GNAQ: variants seen among roughly 807,000 people sequenced by gnomAD.
The protein encoded by GNAQ is guanine nucleotide-binding protein G(q) subunit alpha.
GNAQ carries 8 observed loss-of-function variants against 43.9 expected under a neutral mutation model. The ratio of observed to expected loss-of-function variants is 0.18; its 90% confidence interval spans 0.11 to 0.33. The LOEUF is 0.33. GNAQ is among the 10% of genes least tolerant of loss of function. The pLI is 1.00. For missense variants in GNAQ, 158 were observed against 450.8 expected (o/e 0.35, Z 5.88); for synonymous variants, 155 against 170.7 (o/e 0.91, Z 0.71).
chr9:77,914,544 C>T (rs1457799534), intron 2 of GNAQ, among the ~76,000 whole-genome samples: 4 of 152,098 alleles, frequency 2.6e-5, no homozygotes, highest in Non-Finnish European at 5.9e-5. Flanking sequence ...TGCCTGTAAT[C>T]CCAGCTACTT....
At chr9:77,930,163 CTG>C (rs1162186551) in intron 1 of GNAQ, among the ~76,000 whole-genome samples, 1 of 152,172 alleles carries the variant, frequency 6.6e-6, no homozygotes, top group Non-Finnish European at 1.5e-5. Flanking sequence ...AGTCCTGTAA[CTG>C]TACCAGCTGA....
chr9:77,788,282 AAACACAGCAGG>A (rs1363741316), intron 5 of GNAQ, among the ~76,000 whole-genome samples: 1 of 152,214 alleles, frequency 6.6e-6, no homozygotes, highest in Admixed American at 6.5e-5. Context: ...GGAGCATGTG[AAACACAGCAGG>A]GAACAGTCAC....
chr9:77,834,743 T>C (rs899238511), intron 2 of GNAQ, among the ~76,000 whole-genome samples: 2 of 152,168 alleles, frequency 1.3e-5, no homozygotes, highest in African/African-American at 2.4e-5. Flanking sequence ...CATAAGATTA[T>C]CAAGAACTTT....
At chr9:77,950,470 C>T (rs887901879) in intron 1 of GNAQ, among the ~76,000 whole-genome samples, 12 of 152,350 alleles carry the variant, frequency 7.9e-5, no homozygotes, top group African/African-American at 2.6e-4. Flanking sequence ...AATACAGCTA[C>T]CTTCCCATGC....
chr9:78,023,065 T>C (rs1353640935), intron 1 of GNAQ, among the ~76,000 whole-genome samples: 4 of 152,192 alleles, frequency 2.6e-5, no homozygotes, highest in Admixed American at 2.0e-4. Context: ...CTGCATCCGA[T>C]TCTGAAACCC....
chr9:77,793,044 A>G (rs927225705), intron 5 of GNAQ, among the ~76,000 whole-genome samples: 1 of 152,082 alleles, frequency 6.6e-6, no homozygotes, highest in African/African-American at 2.4e-5. Flanking sequence ...ACAACATTCA[A>G]AAAAATCAGA....
rs1825812867 is a variant in GNAQ at position 77,751,634 on chromosome 9, T to G, written c.736-22967A>C. On this transcript the variant is annotated intron_variant, in intron 5 of 6. Coordinates refer to ENST00000286548, the MANE Select transcript of GNAQ (RefSeq NM_002072.5). ...AGAGCTACAACCTCACTTAAAGCAATGCTGCCCCCATGTGGATACCAAAAA... is the reference window on the plus strand; with the variant it reads ...AGAGCTACAACCTCACTTAAAGCAAGGCTGCCCCCATGTGGATACCAAAAA... Among the ~76,000 whole-genome samples, 6 of 152,104 alleles carry G rather than the reference T, an allele frequency of 3.9e-5. No homozygotes were observed. In the South Asian group the frequency reaches 1.2e-3, roughly 31 times the overall value.
intron 4 of GNAQ, 108 bp from the exon 5 acceptor site, chr9:77,794,700 G>T: frequency 3.5e-6 from 2 of 579,406 alleles, no homozygotes; most frequent in East Asian, 5.9e-5. Flanking sequence ...CTTGAATGAC[G>T]ATGATCATCC....
intron 1 of GNAQ, among the ~76,000 whole-genome samples, chr9:77,936,645 T>C (rs1477281548): frequency 6.6e-6 from 1 of 152,176 alleles, no homozygotes; most frequent in Non-Finnish European, 1.5e-5. Flanking sequence ...AAAGAAAATA[T>C]TGAATCACTA....
intron 2 of GNAQ, among the ~76,000 whole-genome samples, chr9:77,860,449 TAC>T (rs1456567448): frequency 1.1e-4 from 16 of 152,184 alleles, no homozygotes; most frequent in Non-Finnish European, 2.4e-4. Flanking sequence ...TGTGGAATGC[TAC>T]AGAGATTGAG....
chr9:77,965,695 C>A (rs183398450), intron 1 of GNAQ, among the ~76,000 whole-genome samples: 1 of 152,052 alleles, frequency 6.6e-6, no homozygotes, highest in Admixed American at 6.5e-5. Flanking sequence ...CTGACTATAC[C>A]AAGTGCTAGC....
chr9:77,941,907 TACACACACACACAC>T (rs10560776), intron 1 of GNAQ, among the ~76,000 whole-genome samples: 1,576 of 141,094 alleles, frequency 0.011, 24 homozygotes, highest in African/African-American at 0.038. Flanking sequence ...ACAACATACA[TACACACACACACAC>T]ACACACACAC....
chr9:77,748,071 T>C (rs1322794147), intron 5 of GNAQ, among the ~76,000 whole-genome samples: 2 of 152,180 alleles, frequency 1.3e-5, no homozygotes, highest in African/African-American at 2.4e-5. Context: ...AGGCCACCTC[T>C]TGGGAAGTCC....
intron 2 of GNAQ, among the ~76,000 whole-genome samples, chr9:77,860,559 C>G (rs933674977): frequency 1.3e-5 from 2 of 152,210 alleles, no homozygotes; most frequent in Non-Finnish European, 2.9e-5. Flanking sequence ...CAACCTAGAT[C>G]CCTCCTGCAC....
chr9:77,952,147 T>C (rs1822989792), intron 1 of GNAQ, among the ~76,000 whole-genome samples: 2 of 152,240 alleles, frequency 1.3e-5, no homozygotes, highest in Admixed American at 6.5e-5. Context: ...TCTATTTCTC[T>C]AACCCACTTA....
chr9:77,735,676 T>C (rs907684946), intron 5 of GNAQ, among the ~76,000 whole-genome samples: 2 of 152,168 alleles, frequency 1.3e-5, no homozygotes, highest in Non-Finnish European at 2.9e-5. Flanking sequence ...ACTCCTGTTG[T>C]TGGGGCGGGA....
At chr9:77,724,465 G>C (rs1825366342) in intron 6 of GNAQ, among the ~76,000 whole-genome samples, 1 of 152,144 alleles carries the variant, frequency 6.6e-6, no homozygotes, top group South Asian at 2.1e-4. Flanking sequence ...CCAAAGTGCT[G>C]AGATTACAGG....
intron 3 of GNAQ, among the ~76,000 whole-genome samples, 180 bp from the exon 4 acceptor site, chr9:77,797,828 G>C (rs1826681132): frequency 6.6e-6 from 1 of 152,116 alleles, no homozygotes; most frequent in African/African-American, 2.4e-5. Flanking sequence ...TTACTGGAAG[G>C]TTATCCATCT....
chr9:77,987,559 T>C (rs1194161588), intron 1 of GNAQ, among the ~76,000 whole-genome samples: 1 of 152,138 alleles, frequency 6.6e-6, no homozygotes, highest in African/African-American at 2.4e-5. Flanking sequence ...ACCTGCTTGA[T>C]CACAGCCAGA....
Sources: gnomAD v4.1 joint callset for allele counts (sites outside exome capture counted in the v4.1 genomes callset) on GRCh38, gnomAD v4.1.1 for gene constraint, MANE v1.5 for transcripts, NCBI Gene and HGNC (gene_info 2026-07-23, HGNC 2026-07-21) for gene names.